EBF3: variants seen among roughly 807,000 people sequenced by gnomAD.
EBF3 encodes the protein transcription factor COE3.
A neutral mutation model predicts 77.1 loss-of-function variants in EBF3; 18 were observed. The observed-to-expected ratio is 0.23, with a 90% confidence interval of 0.16 to 0.35. The LOEUF (loss-of-function observed/expected upper bound fraction) is 0.35. Ranked by LOEUF, EBF3 falls within the 10% of genes least tolerant of loss-of-function variation. The probability of loss-of-function intolerance (pLI) is 1.00; values close to 1 mark genes in which losing one functional copy is unlikely to be tolerated. For missense variants in EBF3, 558 were observed against 860.0 expected, an observed-to-expected ratio of 0.65 and a Z score of 4.39; for synonymous variants, 350 against 343.5, an observed-to-expected ratio of 1.02 and a Z score of -0.21.
At chr10:129,892,812 A>G (rs1247257526) in intron 6 of EBF3, among the ~76,000 whole-genome samples, 8 of 152,248 alleles carry the variant, frequency 5.3e-5, no homozygotes, top group African/African-American at 1.9e-4. Flanking sequence ...AGGCATAACA[A>G]GCCAGCTTGA....
At position 129,842,352 on chromosome 10, in the gene EBF3, ACT is replaced by A; in HGVS notation, c.1195-61_1195-60del. On this transcript the variant is annotated intron_variant, in intron 12 of 16. Coordinates refer to ENST00000440978, the MANE Select transcript of EBF3 (RefSeq NM_001375380.1). This position sits in a 1 kb window ranked among gnomAD's most constrained non-coding sequence, Gnocchi z 4.4. ...CCCCAGGCCCGGCCCAGCTGGCCGC[ACT>A]CTCGGGGGCCCACCATGGTGGCATC... 1.4e-6 allele frequency: 2 copies of A among 1,475,854 alleles called. No individual in the cohort carries two copies. The highest frequency in any genetic ancestry group is 2.9e-5 in the South Asian group (2 of 69,604). The allele number at this position is 1,475,854 out of a possible 1,614,324, so 91.4% of individuals were successfully genotyped here. A position where few individuals can be genotyped will look rare whatever the true frequency, so the allele number is the denominator to read the frequency against.
rs538664151 is a variant in EBF3 at position 129,863,182 on chromosome 10, T to G, written c.1039+3959A>C. On this transcript the variant is annotated intron_variant, in intron 10 of 16. Coordinates refer to ENST00000440978, the MANE Select transcript of EBF3 (RefSeq NM_001375380.1). The surrounding 1 kb of genome is among the most constrained non-coding windows in gnomAD (Gnocchi z 4.0). ...TGCTAGCCGCTTGAAAATTGTTCTC[T>G]CTCTCTAATTTCTGACCTTCTTACA... Among the ~76,000 whole-genome samples, 1 of 152,218 alleles carries G rather than the reference T, an allele frequency of 6.6e-6. No homozygotes were observed. Among genetic ancestry groups the G allele is most frequent in the Non-Finnish European group, 1.5e-5 (1 of 68,034 alleles).
At chr10:129,862,583 C>A (rs1464992206) in intron 10 of EBF3, among the ~76,000 whole-genome samples, 1 of 152,180 alleles carries the variant, frequency 6.6e-6, no homozygotes, top group Non-Finnish European at 1.5e-5. Context: ...ATGAATGATG[C>A]TGGAAGTCAA....
intron 6 of EBF3, among the ~76,000 whole-genome samples, chr10:129,934,868 C>T (rs1048521584): frequency 4.6e-5 from 7 of 152,056 alleles, no homozygotes; most frequent in African/African-American, 1.4e-4. Flanking sequence ...GCTGGGCCCT[C>T]GGGAAACTTC....
rs1463157767 is a variant in EBF3, at chr10:129,861,558, TGGGGATCA to T, written c.1039+5575_1039+5582del. Among the ~76,000 whole-genome samples the T allele has an allele frequency of 2.2e-5, 3 of 139,082 alleles. No individual in the cohort carries two copies. Among genetic ancestry groups the T allele is most frequent in the Non-Finnish European group, 4.7e-5 (3 of 64,118 alleles). 91.2% of individuals were successfully genotyped at this position (139,082 alleles called of 152,430 possible). ...GGGTGTCTATTCTTGGGGGGTTCAC[TGGGGATCA>T]TGGGGGGGACACAGACATCCTTGGA... is the stretch of plus-strand genomic sequence containing the variant. On this transcript the variant is annotated intron_variant, in intron 10 of 16. Transcript: ENST00000440978. The surrounding 1 kb of genome is among the most constrained non-coding windows in gnomAD (Gnocchi z 4.3).
In EBF3 at chr10:129,943,076, TTGCC is replaced by T. The variant is rs1857895612; in HGVS notation, c.554+14178_554+14181del. Among the ~76,000 whole-genome samples, 3 of 152,208 alleles carry T rather than the reference TTGCC, an allele frequency of 2.0e-5. No individual in the cohort carries two copies. Among genetic ancestry groups the T allele is most frequent in the African/African-American group, 4.8e-5 (2 of 41,448 alleles). On this transcript the variant is annotated intron_variant, in intron 6 of 16. Transcript: ENST00000440978. The surrounding 1 kb of genome is among the most constrained non-coding windows in gnomAD (Gnocchi z 8.8). ...TTCCTGTCCTCCATTCTAAACCACT[TTGCC>T]TGCACGATGGGAATGACTGGATCAC...
chr10:129,945,959 T>G (rs1201366935), intron 6 of EBF3, among the ~76,000 whole-genome samples: 1 of 151,886 alleles, frequency 6.6e-6, no homozygotes, highest in Non-Finnish European at 1.5e-5. Flanking sequence ...AATATTTTAT[T>G]CAGGGCATTA....
chr10:129,943,883 G>A lies in EBF3; in HGVS notation c.554+13375C>T, dbSNP rs571108526. ...AACGTTATGGAGGGCGCTGGCCTTC[G>A]GCGCAGACCCAGCTGAAACCGTAAA... On this transcript the variant is annotated intron_variant, in intron 6 of 16. Coordinates refer to ENST00000440978, the MANE Select transcript of EBF3 (RefSeq NM_001375380.1). The surrounding 1 kb of genome is among the most constrained non-coding windows in gnomAD (Gnocchi z 8.8). 1.2e-4 allele frequency among the ~76,000 whole-genome samples: 19 copies of A among 152,246 alleles called. No homozygotes were observed. Among genetic ancestry groups the A allele is most frequent in the East Asian group, 9.7e-4 (5 of 5,164 alleles).
intron 16 of EBF3, among the ~76,000 whole-genome samples, chr10:129,838,367 A>T (rs1275051011): frequency 1.3e-5 from 2 of 152,238 alleles, no homozygotes; most frequent in African/African-American, 4.8e-5. Context: ...CCGTGACGCC[A>T]GTCAAGGCCG....
intron 6 of EBF3, among the ~76,000 whole-genome samples, chr10:129,932,847 C>A (rs1198807069): frequency 2.0e-5 from 3 of 151,796 alleles, no homozygotes; most frequent in Non-Finnish European, 4.4e-5. Flanking sequence ...ACAACCCAGC[C>A]TTCACCTATA....
chr10:129,958,105 T>C (rs1011620902), intron 5 of EBF3, among the ~76,000 whole-genome samples: 3 of 152,246 alleles, frequency 2.0e-5, no homozygotes, highest in African/African-American at 4.8e-5. Flanking sequence ...AATTCCACTT[T>C]ATTGGTTGTA....
chr10:129,957,849 CTTTAA>C (rs1859158839), intron 5 of EBF3, among the ~76,000 whole-genome samples: 1 of 152,170 alleles, frequency 6.6e-6, no homozygotes, highest in Admixed American at 6.5e-5. Flanking sequence ...GTTATTGAAA[CTTTAA>C]TTAAAGCAGA....
intron 6 of EBF3, among the ~76,000 whole-genome samples, chr10:129,895,949 A>G (rs1000080397): frequency 2.3e-4 from 35 of 152,234 alleles, no homozygotes; most frequent in Non-Finnish European, 5.0e-4. Context: ...GTGGAGCCAT[A>G]CTGTAATTAG....
chr10:129,934,824 G>A lies in EBF3; in HGVS notation c.554+22434C>T, dbSNP rs138541073. Among the ~76,000 whole-genome samples, 641 of 152,260 alleles carry A rather than the reference G, an allele frequency of 4.2e-3. 5 individuals are homozygous for A. The highest frequency in any genetic ancestry group is 0.021 in the South Asian group (101 of 4,822). The stretch of plus-strand genomic sequence containing the variant: ...CCTGCAGTCACAGACAAAGGTCAGT[G>A]CTCAAAGAAGCCCAAATTCATTCTC... On this transcript the variant is annotated intron_variant, in intron 6 of 16. Transcript: ENST00000440978.
At chr10:129,900,373 T>A (rs1854693196) in intron 6 of EBF3, among the ~76,000 whole-genome samples, 1 of 151,074 alleles carries the variant, frequency 6.6e-6, no homozygotes, top group Admixed American at 6.6e-5. Context: ...GACCGTTTTA[T>A]AACCTAAGAG....
intron 6 of EBF3, among the ~76,000 whole-genome samples, chr10:129,941,270 C>T (rs906436325): frequency 3.9e-5 from 6 of 152,206 alleles, no homozygotes; most frequent in African/African-American, 1.4e-4. Flanking sequence ...TACAGGGCAG[C>T]AAGGGGTGTC....
intron 6 of EBF3, among the ~76,000 whole-genome samples, chr10:129,896,638 C>T (rs753067387): frequency 3.3e-5 from 5 of 152,236 alleles, no homozygotes; most frequent in African/African-American, 4.8e-5. Flanking sequence ...GGCGGTGCAC[C>T]GTGCAGCCCT....
At chr10:129,919,129 A>G (rs1223252379) in intron 6 of EBF3, among the ~76,000 whole-genome samples, 1 of 152,178 alleles carries the variant, frequency 6.6e-6, no homozygotes, top group Non-Finnish European at 1.5e-5. Flanking sequence ...GACCAAACAC[A>G]ACGCAGACCA....
rs1012724869 is a variant in EBF3 at position 129,864,968 on chromosome 10, C to T, written c.1039+2173G>A. On this transcript the variant is annotated intron_variant, in intron 10 of 16. Coordinates refer to ENST00000440978, the MANE Select transcript of EBF3 (RefSeq NM_001375380.1). The surrounding 1 kb of genome is among the most constrained non-coding windows in gnomAD (Gnocchi z 4.4). ...AGTCATCCCCGATCCTTGCCAAAAC[C>T]TTGCCAGATAGAGCAGAGGAGAAAT... Among the ~76,000 whole-genome samples, 3 of 152,246 alleles carry T rather than the reference C, an allele frequency of 2.0e-5. No homozygotes were observed. The highest frequency in any genetic ancestry group is 4.4e-5 in the Non-Finnish European group (3 of 68,048).
Sources: allele counts gnomAD v4.1 joint callset (sites outside exome capture counted in the v4.1 genomes callset), GRCh38; gene constraint gnomAD v4.1.1; non-coding constraint Gnocchi (gnomAD v3.1); transcripts MANE v1.5; gene names NCBI Gene and HGNC (gene_info 2026-07-23, HGNC 2026-07-21).